Variants in FAF1 observed in about 807,000 individuals in gnomAD.
FAF1 encodes Fas associated factor 1.
A neutral mutation model predicts 92.5 loss-of-function variants in FAF1; 25 were observed. The observed-to-expected ratio is 0.27, with a 90% CI of 0.20 to 0.38. FAF1 has a LOEUF of 0.38. FAF1 is among the 10% of genes least tolerant of loss of function. FAF1 has a pLI of 1.00. For missense variants in FAF1, 636 were observed against 793.3 expected (o/e 0.80, Z 2.38); for synonymous variants, 234 against 273.2 (o/e 0.86, Z 1.42).
At position 50,788,211 on chromosome 1, in the gene FAF1, A is replaced by T; in HGVS notation, c.162-6T>A. On this transcript the variant is annotated splice_polypyrimidine_tract_variant and splice_region_variant and intron_variant, in intron 3 of 18. Coordinates refer to ENST00000396153, the MANE Select transcript of FAF1 (RefSeq NM_007051.3). ...TGGTCTCACCTCCATATTCACTAAA[A>T]TGTTGACATAAAAGAAGGATTATTG... The T allele has an allele frequency of 6.2e-7, 1 of 1,610,448 alleles. No individual in the cohort carries two copies. Among genetic ancestry groups the T allele is most frequent in the Non-Finnish European group, 8.5e-7 (1 of 1,176,704 alleles).
chr1:50,849,263 T>C (rs1273160516), intron 2 of FAF1, among the ~76,000 whole-genome samples: 1 of 145,642 alleles, frequency 6.9e-6, no homozygotes, highest in Admixed American at 6.9e-5. Flanking sequence ...TGAGACTCCG[T>C]CTCAAAAAAA....
intron 8 of FAF1, among the ~76,000 whole-genome samples, chr1:50,602,705 T>C (rs1191696854): frequency 1.3e-5 from 2 of 152,078 alleles, no homozygotes; most frequent in Non-Finnish European, 2.9e-5. Flanking sequence ...TTTCATCATG[T>C]TGCCCAGGCT....
At chr1:50,890,643 A>G (rs1570106738) in intron 1 of FAF1, among the ~76,000 whole-genome samples, 1 of 152,168 alleles carries the variant, frequency 6.6e-6, no homozygotes, top group East Asian at 1.9e-4. Flanking sequence ...CTGGATATGA[A>G]ATTCTGGGTT....
At chr1:50,566,943 A>G (rs1397483859) in intron 13 of FAF1, 134 bp downstream of exon 13, 41 of 574,458 alleles carry the variant, frequency 7.1e-5, no homozygotes, top group Non-Finnish European at 3.1e-5. Context: ...AGCTGCAACG[A>G]GCAGCTTTTG....
chr1:50,709,584 G>A (rs548290728), intron 6 of FAF1, among the ~76,000 whole-genome samples: 9 of 152,222 alleles, frequency 5.9e-5, no homozygotes, highest in South Asian at 4.2e-4. Flanking sequence ...AAGCTACAAA[G>A]AGGTGGAACT....
intron 1 of FAF1, among the ~76,000 whole-genome samples, chr1:50,927,494 G>A (rs745908323): frequency 6.6e-6 from 1 of 152,062 alleles, no homozygotes; most frequent in Non-Finnish European, 1.5e-5. Context: ...AGGTTGCAGT[G>A]AGCCAAGATG....
At chr1:50,793,037 T>C (rs2124580657) in intron 3 of FAF1, among the ~76,000 whole-genome samples, 1 of 152,278 alleles carries the variant, frequency 6.6e-6, no homozygotes, top group Non-Finnish European at 1.5e-5. Flanking sequence ...CTGAGCATGG[T>C]ATTTTTAAGG....
At chr1:50,827,820 C>G (rs1644116280) in intron 2 of FAF1, among the ~76,000 whole-genome samples, 1 of 151,922 alleles carries the variant, frequency 6.6e-6, no homozygotes, top group South Asian at 2.1e-4. Flanking sequence ...ATAATTACGA[C>G]AGAGAGCCTA....
chr1:50,535,509 T>G (rs1553224271), intron 14 of FAF1, 52 bp from the exon 15 acceptor site: 1 of 1,018,962 alleles, frequency 9.8e-7, no homozygotes, highest in South Asian at 1.5e-5. Flanking sequence ...ATATATAACT[T>G]CAAATTATTA....
chr1:50,763,100 C>CA (rs933143501), intron 4 of FAF1, among the ~76,000 whole-genome samples: 7 of 151,926 alleles, frequency 4.6e-5, no homozygotes, highest in Admixed American at 4.6e-4. Context: ...ACTAAAAATA[C>CA]AAAAAAATTA....
chr1:50,467,988 C>T (rs1269341288), intron 18 of FAF1, among the ~76,000 whole-genome samples: 1 of 152,182 alleles, frequency 6.6e-6, no homozygotes, highest in African/African-American at 2.4e-5. Flanking sequence ...GTAGGCAGAT[C>T]ATCTGAGCCC....
chr1:50,839,251 T>C (rs1644237497), intron 2 of FAF1, among the ~76,000 whole-genome samples: 1 of 152,132 alleles, frequency 6.6e-6, no homozygotes, highest in Non-Finnish European at 1.5e-5. Flanking sequence ...ATCAAGCTAC[T>C]GCCTACTTAT....
intron 15 of FAF1, among the ~76,000 whole-genome samples, chr1:50,521,732 C>T (rs1382377061): frequency 6.6e-6 from 1 of 152,116 alleles, no homozygotes; most frequent in Admixed American, 6.5e-5. Context: ...ATGGTGACAG[C>T]CCAAATCAAA....
At chr1:50,709,887 A>G (rs1460224289) in intron 6 of FAF1, among the ~76,000 whole-genome samples, 1 of 152,236 alleles carries the variant, frequency 6.6e-6, no homozygotes. Context: ...TTAAAGTACT[A>G]TGAAGAAAAA....
intron 1 of FAF1, among the ~76,000 whole-genome samples, chr1:50,953,426 T>C (rs1020286871): frequency 4.0e-5 from 6 of 150,852 alleles, no homozygotes; most frequent in Non-Finnish European, 7.4e-5. Flanking sequence ...TAAATAAATT[T>C]TTAAAAAAAG....
chr1:50,926,455 C>G (rs1645006548), intron 1 of FAF1, among the ~76,000 whole-genome samples: 1 of 152,022 alleles, frequency 6.6e-6, no homozygotes, highest in South Asian at 2.1e-4. Context: ...TGGGGAGAAC[C>G]TGGTTAACAT....
At chr1:50,465,627 A>T (rs892049244) in intron 18 of FAF1, among the ~76,000 whole-genome samples, 4 of 152,192 alleles carry the variant, frequency 2.6e-5, no homozygotes, top group African/African-American at 9.7e-5. Context: ...GATAGTGAAC[A>T]GTTCAGTGGA....
chr1:50,897,180 A>C (rs1025692995), intron 1 of FAF1, among the ~76,000 whole-genome samples: 4 of 152,178 alleles, frequency 2.6e-5, no homozygotes, highest in Admixed American at 6.5e-5. Context: ...ATAAATGGAG[A>C]GATAGTCCAT....
chr1:50,445,129 G>A (rs1258203146), intron 18 of FAF1, among the ~76,000 whole-genome samples: 1 of 152,092 alleles, frequency 6.6e-6, no homozygotes, highest in Non-Finnish European at 1.5e-5. Context: ...GGTGGTTTTT[G>A]TTACATGGGT....
Sources: allele counts gnomAD v4.1 joint callset (sites outside exome capture counted in the v4.1 genomes callset), GRCh38; gene constraint gnomAD v4.1.1; transcripts MANE v1.5; gene names NCBI Gene and HGNC (gene_info 2026-07-23, HGNC 2026-07-21).